Variants in COX10 observed in about 807,000 individuals in gnomAD.
COX10 encodes protoheme IX farnesyltransferase, mitochondrial.
A neutral mutation model predicts 37.3 loss-of-function variants in COX10; 27 were observed. The ratio of observed to expected loss-of-function variants is 0.72; its 90% CI spans 0.53 to 1.00. The LOEUF (loss-of-function observed/expected upper bound fraction) is 1.00, where lower values mean the gene tolerates loss of function less well. Among genes scored for constraint, COX10 ranks in the 50% least tolerant of loss-of-function variants. COX10 has a pLI of 0.00. For synonymous variants in COX10, 222 were observed against 229.1 expected (o/e 0.97, Z 0.28); for missense variants, 475 against 563.2 (o/e 0.84, Z 1.59).
chr17:14,071,583 T>A lies in COX10; in HGVS notation c.43+1935T>A, dbSNP rs976818772. ...AAAAGTTCTAAGTATTTTACAGCCA[T>A]TTAAAAACTGTCATCACTGGCCGGG... On this transcript the variant is annotated intron_variant, in intron 1 of 6. Coordinates refer to ENST00000261643, the MANE Select transcript of COX10 (RefSeq NM_001303.4). Among the ~76,000 whole-genome samples, 7 of 151,996 alleles carry A rather than the reference T, an allele frequency of 4.6e-5. 1 individual carries two copies. Among genetic ancestry groups the A allele is most frequent in the African/African-American group, 1.7e-4 (7 of 41,388 alleles).
chr17:14,069,891 G>T (rs780275721), intron 1 of COX10, among the ~76,000 whole-genome samples: 1 of 152,212 alleles, frequency 6.6e-6, no homozygotes, highest in Non-Finnish European at 1.5e-5. Context: ...CTGCGGAAGA[G>T]CGGTGTCTTC....
chr17:14,088,816 A>C (rs1915467053), intron 3 of COX10, among the ~76,000 whole-genome samples: 1 of 152,176 alleles, frequency 6.6e-6, no homozygotes, highest in Admixed American at 6.5e-5. Context: ...GTCTGTTATC[A>C]TTAGCTTGTG....
chr17:14,076,479 G>A (rs1915154882), intron 2 of COX10, among the ~76,000 whole-genome samples: 3 of 152,082 alleles, frequency 2.0e-5, no homozygotes, highest in African/African-American at 4.8e-5. Context: ...TTCTTTCAAG[G>A]AACATATATT....
chr17:14,173,845 G>C (rs1905562535), intron 5 of COX10, among the ~76,000 whole-genome samples: 1 of 152,168 alleles, frequency 6.6e-6, no homozygotes, highest in Non-Finnish European at 1.5e-5. Context: ...AGTAAATCTA[G>C]CAAGGGTATA....
intron 4 of COX10, among the ~76,000 whole-genome samples, chr17:14,120,733 A>C (rs1443459740): frequency 6.6e-6 from 1 of 152,168 alleles, no homozygotes; most frequent in Non-Finnish European, 1.5e-5. Flanking sequence ...TTGGAGAGAG[A>C]AATAAGTGAT....
chr17:14,076,300 A>G (rs1456880239), intron 2 of COX10, among the ~76,000 whole-genome samples: 1 of 151,118 alleles, frequency 6.6e-6, no homozygotes, highest in East Asian at 1.9e-4. Flanking sequence ...GACATTCCCT[A>G]TGTTGCCCAG....
At chr17:14,200,935 A>C (rs1906525312) in intron 6 of COX10, among the ~76,000 whole-genome samples, 1 of 152,182 alleles carries the variant, frequency 6.6e-6, no homozygotes. Flanking sequence ...GGCTGAATTA[A>C]GTGTTCTCCT....
chr17:14,150,215 G>A (rs1307929776), intron 4 of COX10, among the ~76,000 whole-genome samples: 1 of 151,870 alleles, frequency 6.6e-6, no homozygotes, highest in South Asian at 2.1e-4. Context: ...AGAGGTTGCA[G>A]CCACCCGTGA....
intron 4 of COX10, among the ~76,000 whole-genome samples, chr17:14,121,795 A>G (rs1360434431): frequency 1.3e-5 from 2 of 152,206 alleles, no homozygotes; most frequent in African/African-American, 4.8e-5. Context: ...GGAAAGTGGT[A>G]GTGAATGCTT....
intron 4 of COX10, among the ~76,000 whole-genome samples, chr17:14,122,236 T>C (rs1011485880): frequency 3.9e-5 from 6 of 152,162 alleles, no homozygotes; most frequent in Non-Finnish European, 8.8e-5. Flanking sequence ...GTTGATTTAC[T>C]TTCAGCTATA....
rs545949247 is a variant in COX10, at chr17:14,118,426, G to T, written c.624+16184G>T. ...AGTTTATTGTTTCAGATGAGGTTAAGAATTACTTTTTGAAGTTCTTTTTAA... is the reference window on the plus strand; with the variant it reads ...AGTTTATTGTTTCAGATGAGGTTAATAATTACTTTTTGAAGTTCTTTTTAA... On this transcript the variant is annotated intron_variant, in intron 4 of 6. Coordinates refer to ENST00000261643, the MANE Select transcript of COX10 (RefSeq NM_001303.4). Among the ~76,000 whole-genome samples the T allele has an allele frequency of 8.1e-4, 123 of 152,212 alleles. 1 individual carries two copies. The highest frequency in any genetic ancestry group is 2.8e-3 in the African/African-American group (116 of 41,536).
In COX10 at chr17:14,193,987, G is replaced by A. The variant is rs1906289101; in HGVS notation, c.928+1766G>A. 2.0e-5 allele frequency among the ~76,000 whole-genome samples: 3 copies of A among 152,222 alleles called. No individual in the cohort carries two copies. The South Asian group carries it at 6.2e-4, about 32-fold the overall frequency. On this transcript the variant is annotated intron_variant, in intron 6 of 6. Transcript: ENST00000261643. ...CACTGAGCCACCTGCCTGTCTGATG[G>A]AGACACCCCCATCCCTGGCAGGGGT...
At chr17:14,164,137 A>G (rs1193702140) in intron 5 of COX10, among the ~76,000 whole-genome samples, 1 of 152,242 alleles carries the variant, frequency 6.6e-6, no homozygotes, top group Non-Finnish European at 1.5e-5. Flanking sequence ...AAAGTTCTCA[A>G]GATCTTGGCT....
chr17:14,195,321 G>T (rs1437864797), intron 6 of COX10, among the ~76,000 whole-genome samples: 1 of 152,122 alleles, frequency 6.6e-6, no homozygotes. Flanking sequence ...TAGGAACTGG[G>T]TTGAATATGG....
At chr17:14,171,700 C>T (rs1004023786) in intron 5 of COX10, among the ~76,000 whole-genome samples, 2 of 150,670 alleles carry the variant, frequency 1.3e-5, no homozygotes, top group Non-Finnish European at 3.0e-5. Flanking sequence ...TCCTTAATCT[C>T]CTCCTCATCT....
chr17:14,156,960 T>C (rs1196804030), intron 4 of COX10, among the ~76,000 whole-genome samples: 1 of 152,188 alleles, frequency 6.6e-6, no homozygotes, highest in East Asian at 1.9e-4. Context: ...GTGGGCTATG[T>C]GGTCTCTGTT....
At chr17:14,128,854 AT>A (rs1012856775) in intron 4 of COX10, among the ~76,000 whole-genome samples, 1 of 151,878 alleles carries the variant, frequency 6.6e-6, no homozygotes, top group Non-Finnish European at 1.5e-5. Context: ...TATTTTATTT[AT>A]TTTTTTTGAG....
At chr17:14,115,242 A>C (rs968994698) in intron 4 of COX10, among the ~76,000 whole-genome samples, 1 of 152,210 alleles carries the variant, frequency 6.6e-6, no homozygotes, top group Non-Finnish European at 1.5e-5. Context: ...TTTACGATGT[A>C]CAGAGGAAGA....
At chr17:14,153,437 T>G (rs1904958373) in intron 4 of COX10, among the ~76,000 whole-genome samples, 2 of 152,228 alleles carry the variant, frequency 1.3e-5, no homozygotes, top group Non-Finnish European at 1.5e-5. Flanking sequence ...ATAAAAAGTT[T>G]GATTCATGTA....
Sources: gnomAD v4.1 joint callset for allele counts (sites outside exome capture counted in the v4.1 genomes callset) on GRCh38, gnomAD v4.1.1 for gene constraint, MANE v1.5 for transcripts, NCBI Gene and HGNC (gene_info 2026-07-23, HGNC 2026-07-21) for gene names.